The following HDAC9 variants were observed in gnomAD, a reference collection of about 807,000 sequenced individuals.
HDAC9 encodes the protein histone deacetylase 9.
A neutral mutation model predicts 139.4 loss-of-function variants in HDAC9; 41 were observed. The observed-to-expected ratio is 0.29, with a 90% CI of 0.23 to 0.38. The LOEUF (loss-of-function observed/expected upper bound fraction) is 0.38. Among genes scored for constraint, HDAC9 ranks in the 10% least tolerant of loss-of-function variants. The probability of loss-of-function intolerance (pLI) is 1.00; values close to 1 mark genes in which losing one functional copy is unlikely to be tolerated. For missense variants in HDAC9, 1,147 were observed against 1,297.0 expected (o/e 0.88, Z 1.78); for synonymous variants, 517 against 476.2 (o/e 1.09, Z -1.12).
chr7:18,326,788 C>G (rs1010896282), intron 1 of HDAC9, among the ~76,000 whole-genome samples: 2 of 151,988 alleles, frequency 1.3e-5, no homozygotes, highest in Admixed American at 1.3e-4. Context: ...CTATTTCTTT[C>G]TACCTTTTGT....
intron 2 of HDAC9, among the ~76,000 whole-genome samples, chr7:18,578,359 G>A (rs2128767496): frequency 6.6e-6 from 1 of 152,304 alleles, no homozygotes; most frequent in Non-Finnish European, 1.5e-5. Context: ...GAGGCGATCA[G>A]CTTTCCCCAG....
At chr7:18,387,996 A>G (rs552212144) in intron 1 of HDAC9, among the ~76,000 whole-genome samples, 3 of 152,104 alleles carry the variant, frequency 2.0e-5, no homozygotes, top group Non-Finnish European at 4.4e-5. Flanking sequence ...TAACCCAGTG[A>G]TTTCTTGTAC....
At chr7:18,669,224 T>C (rs1795514402) in intron 12 of HDAC9, among the ~76,000 whole-genome samples, 1 of 151,836 alleles carries the variant, frequency 6.6e-6, no homozygotes, top group South Asian at 2.1e-4. Context: ...TTTAAAAAGC[T>C]TAACACAATC....
intron 2 of HDAC9, chr7:18,509,432 A>G (rs764640565): frequency 2.0e-6 from 2 of 985,456 alleles, no homozygotes; most frequent in Non-Finnish European, 2.4e-6. Context: ...TTCACAGTGT[A>G]GCTTGAGAAA....
At chr7:18,381,615 GA>G (rs1253929335) in intron 1 of HDAC9, among the ~76,000 whole-genome samples, 1 of 151,748 alleles carries the variant, frequency 6.6e-6, no homozygotes, top group East Asian at 1.9e-4. Context: ...TATTAAGTAA[GA>G]AAAAGTGAGA....
chr7:18,710,762 A>G (rs1784286760), intron 12 of HDAC9, among the ~76,000 whole-genome samples: 1 of 152,212 alleles, frequency 6.6e-6, no homozygotes, highest in African/African-American at 2.4e-5. Flanking sequence ...TAACAAGGAA[A>G]GCCGCTGAAG....
intron 14 of HDAC9, among the ~76,000 whole-genome samples, chr7:18,760,662 G>T (rs1789303031): frequency 6.6e-6 from 1 of 152,186 alleles, no homozygotes; most frequent in African/African-American, 2.4e-5. Context: ...TCATGAGTTT[G>T]TTCAGCACGT....
chr7:18,501,640 C>G (rs1042159569), intron 2 of HDAC9, among the ~76,000 whole-genome samples: 13 of 151,944 alleles, frequency 8.6e-5, no homozygotes, highest in Non-Finnish European at 1.6e-4. Flanking sequence ...TTAAATCTAT[C>G]CATCCATCTC....
chr7:18,441,335 T>C (rs1226151925), intron 1 of HDAC9, among the ~76,000 whole-genome samples: 1 of 152,216 alleles, frequency 6.6e-6, no homozygotes, highest in Non-Finnish European at 1.5e-5. Flanking sequence ...ACATTTATCT[T>C]TCTCTTTATT....
At chr7:18,540,085 G>C (rs1466475839) in intron 2 of HDAC9, among the ~76,000 whole-genome samples, 1 of 127,752 alleles carries the variant, frequency 7.8e-6, no homozygotes, top group African/African-American at 3.0e-5. Context: ...TGTTGAAACC[G>C]CATCCCTACT....
rs771882534 is a variant in HDAC9, at chr7:18,496,175, C to A, written c.-41-87C>A. The A allele has an allele frequency of 7.5e-6, 11 of 1,473,998 alleles. No homozygotes were observed. The South Asian group carries it at 1.3e-4, about 17-fold the overall frequency. 91.3% of individuals were successfully genotyped at this position (1,473,998 alleles called of 1,614,324 possible). A position where few individuals can be genotyped will look rare whatever the true frequency, so the allele number is the denominator to read the frequency against. Reference sequence around the variant, plus strand: ...TAGCTCCTGGGGCCGGTGCACTGAGCAGTGATGAATGTTTCATGTAGCTGA... The same window carrying A: ...TAGCTCCTGGGGCCGGTGCACTGAGAAGTGATGAATGTTTCATGTAGCTGA... On this transcript the variant is annotated intron_variant, in intron 1 of 25. Coordinates refer to ENST00000686413, the MANE Select transcript of HDAC9 (RefSeq NM_178425.4).
intron 12 of HDAC9, among the ~76,000 whole-genome samples, chr7:18,669,217 A>G (rs1795512819): frequency 6.6e-6 from 1 of 151,852 alleles, no homozygotes; most frequent in Non-Finnish European, 1.5e-5. Flanking sequence ...AATTATTTTT[A>G]AAAAGCTTAA....
intron 17 of HDAC9, among the ~76,000 whole-genome samples, chr7:18,800,055 T>C (rs74462651): frequency 0.018 from 2,697 of 152,122 alleles, 39 homozygotes; most frequent in Non-Finnish European, 0.029. Flanking sequence ...CTCAATAAAA[T>C]CAACAACTTA....
At chr7:18,626,959 C>A (rs550337650) in intron 6 of HDAC9, among the ~76,000 whole-genome samples, 2 of 152,044 alleles carry the variant, frequency 1.3e-5, no homozygotes, top group Non-Finnish European at 2.9e-5. Flanking sequence ...GATTTGGGGC[C>A]CAGTTCTGGA....
chr7:18,399,727 G>T (rs1249213129), intron 1 of HDAC9, among the ~76,000 whole-genome samples: 1 of 152,200 alleles, frequency 6.6e-6, no homozygotes, highest in Non-Finnish European at 1.5e-5. Flanking sequence ...TTTGGTGTGT[G>T]CTTTGCAGAG....
In HDAC9 at chr7:18,357,306, C is replaced by G. The variant is rs150051386; in HGVS notation, c.-42+66791C>G. On this transcript the variant is annotated intron_variant, in intron 1 of 3. Coordinates refer to the HDAC9 transcript ENST00000413509. ...AACAATGAGAAATGCCTGAACAGACCTTTAAGCTGTGATTTAAAAAAATCG... is the reference window on the plus strand; with the variant it reads ...AACAATGAGAAATGCCTGAACAGACGTTTAAGCTGTGATTTAAAAAAATCG... Among the ~76,000 whole-genome samples, 50 of 152,186 alleles carry G rather than the reference C, an allele frequency of 3.3e-4. 1 individual carries two copies. The East Asian group carries it at 9.3e-3, about 28-fold the overall frequency.
chr7:18,605,150 G>C (rs768903113), intron 6 of HDAC9, among the ~76,000 whole-genome samples: 5 of 152,050 alleles, frequency 3.3e-5, no homozygotes, highest in African/African-American at 7.2e-5. Context: ...TTGCTTTGGG[G>C]TTTCCCTAAG....
upstream of HDAC9, among the ~76,000 whole-genome samples, chr7:18,494,290 A>G (rs1290688219): frequency 6.6e-6 from 1 of 152,052 alleles, no homozygotes; most frequent in East Asian, 1.9e-4. Flanking sequence ...TATTTGATGA[A>G]TGATTTAACG....
intron 1 of HDAC9, among the ~76,000 whole-genome samples, chr7:18,425,489 C>T (rs2128755644): frequency 1.3e-5 from 2 of 152,318 alleles, no homozygotes; most frequent in Non-Finnish European, 2.9e-5. Context: ...TGATATTCCA[C>T]TGATGAAGCT....
Sources: allele counts gnomAD v4.1 joint callset (sites outside exome capture counted in the v4.1 genomes callset), GRCh38; gene constraint gnomAD v4.1.1; transcripts MANE v1.5; gene names NCBI Gene and HGNC (gene_info 2026-07-23, HGNC 2026-07-21).